The following SENP1 variants were observed in gnomAD, a reference collection of about 807,000 sequenced individuals.
SENP1 encodes the protein SUMO specific peptidase 1.
In SENP1, 21 loss-of-function variants were observed where a neutral mutation model predicts 93.0. The observed-to-expected ratio is 0.23, with a 90% CI of 0.16 to 0.33. SENP1 has a LOEUF of 0.33. SENP1 is among the 10% of genes least tolerant of loss of function. The pLI is 1.00. For missense variants in SENP1, 591 were observed against 758.7 expected, an observed-to-expected ratio of 0.78 and a Z score of 2.60; for synonymous variants, 256 against 259.6, an observed-to-expected ratio of 0.99 and a Z score of 0.13.
chr12:48,079,916 C>A (rs937439243), intron 6 of SENP1, among the ~76,000 whole-genome samples: 1 of 152,098 alleles, frequency 6.6e-6, no homozygotes, highest in Non-Finnish European at 1.5e-5. Context: ...GTCCCAAATG[C>A]TTGACTTATG....
At chr12:48,046,308 C>G in intron 17 of SENP1, 48 bp downstream of exon 17, 1 of 1,305,282 alleles carries the variant, frequency 7.7e-7, no homozygotes, top group Non-Finnish European at 1.1e-6. Context: ...TACAGGGCAG[C>G]TTGGAGACAA....
At chr12:48,060,120 A>G (rs556418340) in intron 13 of SENP1, among the ~76,000 whole-genome samples, 1 of 152,296 alleles carries the variant, frequency 6.6e-6, no homozygotes, top group East Asian at 1.9e-4. Context: ...TATAGCATAC[A>G]TACCTTTTAT....
At chr12:48,081,887 CT>C (rs1005186437) in intron 6 of SENP1, among the ~76,000 whole-genome samples, 14 of 149,036 alleles carry the variant, frequency 9.4e-5, no homozygotes, top group African/African-American at 2.2e-4. Context: ...TCAATACAAA[CT>C]TTTTTTGTTG....
intron 4 of SENP1, among the ~76,000 whole-genome samples, chr12:48,089,783 A>C (rs538764736): frequency 5.1e-4 from 78 of 152,336 alleles, no homozygotes; most frequent in African/African-American, 1.7e-3. Context: ...TGGAACTCTA[A>C]GGAGCTCCAG....
chr12:48,103,674 A>T (rs1413660401), intron 1 of SENP1, among the ~76,000 whole-genome samples: 2 of 9,214 alleles, frequency 2.2e-4, no homozygotes, highest in East Asian at 6.4e-4. Flanking sequence ...TTTCTTTTTA[A>T]AAAAAATGAT....
rs1429264567 is a variant in SENP1 at position 48,046,314 on chromosome 12, G to A, written c.1872+42C>T. 2.2e-6 allele frequency: 3 copies of A among 1,381,090 alleles called. No homozygotes were observed. In the African/African-American group the frequency reaches 4.3e-5, roughly 20 times the overall value. The allele number at this position is 1,381,090 out of a possible 1,614,324, so 85.6% of individuals were successfully genotyped here. A position where few individuals can be genotyped will look rare whatever the true frequency, so the allele number is the denominator to read the frequency against. On this transcript the variant is annotated intron_variant, in intron 17 of 17. Transcript: ENST00000549518. ...AAAAACATCTACAGGGCAGCTTGGA[G>A]ACAAAGTAATCCTAGAGCTCCCTAT...
chr12:48,060,246 T>G (rs376210078), intron 13 of SENP1, among the ~76,000 whole-genome samples: 7 of 152,238 alleles, frequency 4.6e-5, no homozygotes, highest in African/African-American at 1.7e-4. Context: ...TTGTTTCCTT[T>G]ATCATGACCA....
At chr12:48,071,391 G>A (rs1451851859) in intron 9 of SENP1, among the ~76,000 whole-genome samples, 1 of 152,146 alleles carries the variant, frequency 6.6e-6, no homozygotes, top group East Asian at 1.9e-4. Context: ...CGAGGCAGGT[G>A]GATCACTTGA....
At chr12:48,065,996 C>T (rs1943270623) in intron 10 of SENP1, among the ~76,000 whole-genome samples, 2 of 152,124 alleles carry the variant, frequency 1.3e-5, no homozygotes, top group African/African-American at 4.8e-5. Context: ...AGCCATTGCA[C>T]CCGACCTATT....
intron 4 of SENP1, among the ~76,000 whole-genome samples, chr12:48,092,928 A>G (rs1945306003): frequency 6.6e-6 from 1 of 152,236 alleles, no homozygotes; most frequent in Non-Finnish European, 1.5e-5. Context: ...AGCTCTATAT[A>G]CCAATGCTTT....
chr12:48,088,607 T>C, intron 5 of SENP1, 194 bp downstream of exon 5: 1 of 582,030 alleles, frequency 1.7e-6, no homozygotes, highest in Non-Finnish European at 3.0e-6. Context: ...TAGTAAGATC[T>C]GGCTATCATC....
intron 6 of SENP1, 59 bp downstream of exon 6, chr12:48,083,532 T>C: frequency 1.5e-6 from 2 of 1,370,732 alleles, no homozygotes; most frequent in Non-Finnish European, 1.0e-6. Context: ...AGGGAGCAAA[T>C]GGCTCAATGT....
At chr12:48,076,808 AT>A (rs573642239) in intron 6 of SENP1, among the ~76,000 whole-genome samples, 1 of 143,908 alleles carries the variant, frequency 6.9e-6, no homozygotes, top group Non-Finnish European at 1.5e-5. Context: ...ACGCCCAGCC[AT>A]TTTTTTTTAT....
At chr12:48,087,069 C>T (rs1944923943) in intron 5 of SENP1, among the ~76,000 whole-genome samples, 1 of 151,678 alleles carries the variant, frequency 6.6e-6, no homozygotes, top group African/African-American at 2.4e-5. Flanking sequence ...CAAAACAAAA[C>T]AAAACAAAAC....
intron 13 of SENP1, among the ~76,000 whole-genome samples, chr12:48,054,007 A>AG (rs751138976): frequency 1.8e-4 from 27 of 152,312 alleles, no homozygotes; most frequent in Admixed American, 9.8e-4. Context: ...AAGGAATGAG[A>AG]GGGAGAATAG....
chr12:48,049,094 A>G lies in SENP1; in HGVS notation c.1446T>C (p.Ser482=). The G allele has an allele frequency of 6.2e-7, 1 of 1,613,650 alleles. No homozygotes were observed. The highest frequency in any genetic ancestry group is 8.5e-7 in the Non-Finnish European group (1 of 1,179,640). Residue 482 remains serine, a synonymous_variant, in exon 14 of 18, where the codon AGT becomes AGC. Transcript: ENST00000549518. ...GCACACTTGGCAAGCCCTTCTCTTT[A>G]CTTCGCTCCATCAGCATATTCATGT... is the stretch of plus-strand genomic sequence containing the variant. ...NFYMNMLMER[S]KEKGLPSVHA... is the part of the protein sequence containing the mutation.
intron 13 of SENP1, among the ~76,000 whole-genome samples, chr12:48,062,237 C>T (rs551033938): frequency 6.6e-6 from 1 of 152,302 alleles, no homozygotes; most frequent in Admixed American, 6.5e-5. Flanking sequence ...CCTCGCACCA[C>T]CAGCAATGGC....
intron 13 of SENP1, among the ~76,000 whole-genome samples, chr12:48,056,626 A>G (rs187530304): frequency 0.024 from 1,532 of 63,416 alleles, 12 homozygotes; most frequent in East Asian, 0.12. Context: ...ATATAAATAT[A>G]TTATTTAATA....
chr12:48,093,432 C>T (rs1161974375), intron 4 of SENP1, among the ~76,000 whole-genome samples: 1 of 151,842 alleles, frequency 6.6e-6, no homozygotes, highest in Non-Finnish European at 1.5e-5. Flanking sequence ...TACAGGTGTC[C>T]TCCAACACAC....
Sources: allele counts gnomAD v4.1 joint callset (sites outside exome capture counted in the v4.1 genomes callset), GRCh38; gene constraint gnomAD v4.1.1; transcripts MANE v1.5; gene names NCBI Gene and HGNC (gene_info 2026-07-23, HGNC 2026-07-21).